Variants in KIAA1671 observed in about 807,000 individuals in gnomAD.
KIAA1671 encodes the protein uncharacterized protein KIAA1671.
In KIAA1671, 52 loss-of-function variants were observed where a neutral mutation model predicts 131.2. The ratio of observed to expected loss-of-function variants is 0.40; its 90% CI spans 0.32 to 0.50. The LOEUF is 0.50. Ranked by LOEUF, KIAA1671 falls within the 20% of genes least tolerant of loss-of-function variation. The pLI is 0.73. For missense variants in KIAA1671, 2,360 were observed against 2,364.2 expected (o/e 1.00, Z 0.04); for synonymous variants, 1,003 against 961.6 (o/e 1.04, Z -0.80).
chr22:25,068,409 C>T (rs1297596531), intron 6 of KIAA1671, among the ~76,000 whole-genome samples: 6 of 152,174 alleles, frequency 3.9e-5, no homozygotes. Context: ...GCTGCTGCAC[C>T]CAGCACCCTC....
At chr22:25,190,896 C>A in intron 12 of KIAA1671, 112 bp downstream of exon 12, 1 of 714,364 alleles carries the variant, frequency 1.4e-6, no homozygotes, top group Non-Finnish European at 2.4e-6. Flanking sequence ...AGGAAAGAGG[C>A]TGTGTAAGGG....
chr22:25,007,798 G>T (rs9612827), intron 1 of KIAA1671, among the ~76,000 whole-genome samples: 28,811 of 152,076 alleles, frequency 0.19, 3,194 homozygotes, highest in Middle Eastern at 0.3. Context: ...AAATATGACT[G>T]CAGGATTGCC....
chr22:25,093,756 C>T (rs867140487), intron 6 of KIAA1671, among the ~76,000 whole-genome samples: 1,156 of 102,356 alleles, frequency 0.011, 10 homozygotes, highest in African/African-American at 0.025. Flanking sequence ...CTCTCTCTCT[C>T]TCTCTCTCTC....
chr22:25,120,717 T>C (rs886238181), intron 6 of KIAA1671, among the ~76,000 whole-genome samples: 1 of 152,182 alleles, frequency 6.6e-6, no homozygotes, highest in Non-Finnish European at 1.5e-5. Flanking sequence ...CTTGTCTTTT[T>C]CCCCCCTCTT....
intron 6 of KIAA1671, among the ~76,000 whole-genome samples, chr22:25,085,031 C>T (rs977484533): frequency 6.6e-6 from 1 of 152,242 alleles, no homozygotes; most frequent in African/African-American, 2.4e-5. Flanking sequence ...CTTCTGTTCT[C>T]TGCTGGGCCA....
At chr22:25,157,261 C>T (rs908486889) in intron 6 of KIAA1671, among the ~76,000 whole-genome samples, 5 of 152,308 alleles carry the variant, frequency 3.3e-5, no homozygotes, top group East Asian at 3.9e-4. Flanking sequence ...CCTCTAGTCA[C>T]GCAATTCCTC....
chr22:25,001,737 T>A (rs936784367), intron 1 of KIAA1671, among the ~76,000 whole-genome samples: 8 of 152,190 alleles, frequency 5.3e-5, no homozygotes, highest in Admixed American at 5.2e-4. Flanking sequence ...TTGCCAGGCT[T>A]GTCCAGCCTT....
intron 5 of KIAA1671, among the ~76,000 whole-genome samples, chr22:25,042,675 A>G (rs1354791290): frequency 6.6e-6 from 1 of 150,576 alleles, no homozygotes; most frequent in Non-Finnish European, 1.5e-5. Context: ...GGGTTTCACT[A>G]TTTTGGCCAG....
rs561268516 is a variant in KIAA1671, at chr22:25,011,349, A to G, written c.-207-14284A>G. The G allele has an allele frequency of 7.2e-5, 11 of 152,134 alleles. No individual in the cohort carries two copies. The South Asian group carries it at 2.1e-3, about 29-fold the overall frequency. The allele number at this position is 152,134 out of a possible 1,614,324, so 9.4% of individuals were successfully genotyped here. ...TTTTTTGTAGAGATGGGGTTTCACT[A>G]TGTTGGCCAGGCTGGTTTCGAACTC... On this transcript the variant is annotated intron_variant, in intron 1 of 12. Coordinates refer to ENST00000358431, the MANE Select transcript of KIAA1671 (RefSeq NM_001145206.2).
chr22:25,177,987 G>A (rs1934100419), intron 9 of KIAA1671, among the ~76,000 whole-genome samples: 2 of 152,124 alleles, frequency 1.3e-5, no homozygotes, highest in Non-Finnish European at 2.9e-5. Context: ...TCTGGAAGAC[G>A]CTGGCAGTGC....
chr22:25,052,703 A>G (rs1927603598), intron 6 of KIAA1671: 1 of 151,948 alleles, frequency 6.6e-6, no homozygotes, highest in Non-Finnish European at 1.5e-5. Context: ...TGGCTTCACA[A>G]ATCATAGCAG....
chr22:24,978,326 T>C lies in KIAA1671; in HGVS notation c.-208+25554T>C, dbSNP rs565154612. ...CTCTTCCTCATTTTTCTCTTGCTGC[T>C]GCCATGTAAGAAGTGCCTTTTGCCT... On this transcript the variant is annotated intron_variant, in intron 1 of 12. Coordinates refer to ENST00000358431, the MANE Select transcript of KIAA1671 (RefSeq NM_001145206.2). Among the ~76,000 whole-genome samples, 16 of 152,304 alleles carry C rather than the reference T, an allele frequency of 1.1e-4. No individual in the cohort carries two copies. In the South Asian group the frequency reaches 3.3e-3, roughly 32 times the overall value.
At chr22:25,068,638 G>A (rs1006041205) in intron 6 of KIAA1671, among the ~76,000 whole-genome samples, 4 of 152,254 alleles carry the variant, frequency 2.6e-5, no homozygotes, top group South Asian at 2.1e-4. Flanking sequence ...GGGTTTCACC[G>A]TGTTAGCCAG....
intron 10 of KIAA1671, among the ~76,000 whole-genome samples, chr22:25,184,152 C>T (rs779312011): frequency 6.6e-6 from 1 of 152,206 alleles, no homozygotes; most frequent in Non-Finnish European, 1.5e-5. Flanking sequence ...CAGGGCTTGT[C>T]CTGGAAAGAA....
intron 6 of KIAA1671, among the ~76,000 whole-genome samples, chr22:25,121,031 C>G (rs1009993026): frequency 6.6e-6 from 1 of 152,204 alleles, no homozygotes; most frequent in African/African-American, 2.4e-5. Flanking sequence ...CTCCCTCTCC[C>G]TGCGTTTTCT....
Position 24,994,698 on chromosome 22 carries a change from C to T in KIAA1671, c.-207-30935C>T, listed in dbSNP as rs150943877. Among the ~76,000 whole-genome samples, 45 of 152,248 alleles carry T rather than the reference C, an allele frequency of 3.0e-4. No individual in the cohort carries two copies. In the East Asian group the frequency reaches 6.2e-3, roughly 21 times the overall value. ...CTGACAAAGGAGTGGCTTCCCTGTTCCTGCTTCTGCCTGAGATCCAGGGCT... is the reference window on the plus strand; with the variant it reads ...CTGACAAAGGAGTGGCTTCCCTGTTTCTGCTTCTGCCTGAGATCCAGGGCT... On this transcript the variant is annotated intron_variant, in intron 1 of 12. Coordinates refer to ENST00000358431, the MANE Select transcript of KIAA1671 (RefSeq NM_001145206.2).
At chr22:25,123,168 A>G (rs1178274341) in intron 6 of KIAA1671, among the ~76,000 whole-genome samples, 1 of 144,648 alleles carries the variant, frequency 6.9e-6, no homozygotes, top group African/African-American at 2.7e-5. Context: ...AACAGAATAC[A>G]TGGCATCACT....
At chr22:25,054,939 A>G (rs1244514996) in intron 6 of KIAA1671, 1 of 149,422 alleles carries the variant, frequency 6.7e-6, no homozygotes, top group Non-Finnish European at 1.5e-5. Context: ...TGTGCTCTAT[A>G]CAACGGATGT....
At chr22:25,137,836 G>A (rs570803538) in intron 6 of KIAA1671, among the ~76,000 whole-genome samples, 1 of 152,348 alleles carries the variant, frequency 6.6e-6, no homozygotes, top group African/African-American at 2.4e-5. Context: ...TAAGTAAACA[G>A]TTTACAGTGG....
Sources: gnomAD v4.1 joint callset for allele counts (sites outside exome capture counted in the v4.1 genomes callset) on GRCh38, gnomAD v4.1.1 for gene constraint, MANE v1.5 for transcripts, NCBI Gene and HGNC (gene_info 2026-07-23, HGNC 2026-07-21) for gene names.